Variants in KLF12 observed in about 807,000 individuals in gnomAD.
KLF12 encodes the protein Krueppel-like factor 12.
Under a neutral mutation model 37.8 loss-of-function variants are expected in KLF12, and 9 were observed. That is an observed-to-expected ratio of 0.24 (90% confidence interval 0.14 to 0.42). The LOEUF (loss-of-function observed/expected upper bound fraction) is 0.42, where lower values mean the gene tolerates loss of function less well. KLF12 is among the 10% of genes least tolerant of loss of function. The probability of loss-of-function intolerance (pLI) is 1.00; values close to 1 mark genes in which losing one functional copy is unlikely to be tolerated. For missense variants in KLF12, 411 were observed against 516.0 expected, an observed-to-expected ratio of 0.80 and a Z score of 1.97; for synonymous variants, 208 against 202.1, an observed-to-expected ratio of 1.03 and a Z score of -0.25.
chr13:74,035,505 G>A (rs1017877697), intron 1 of KLF12, among the ~76,000 whole-genome samples: 1 of 152,144 alleles, frequency 6.6e-6, no homozygotes, highest in Non-Finnish European at 1.5e-5. Context: ...AAAGGAGGAA[G>A]AAAAATTCAT....
chr13:74,113,318 A>T (rs1877091799), intron 1 of KLF12, among the ~76,000 whole-genome samples: 2 of 152,254 alleles, frequency 1.3e-5, no homozygotes, highest in South Asian at 4.1e-4. Context: ...ACAAAACAGC[A>T]ACCTATCGCA....
chr13:74,069,263 C>CT (rs2138691922), intron 1 of KLF12, among the ~76,000 whole-genome samples: 1 of 152,270 alleles, frequency 6.6e-6, no homozygotes, highest in East Asian at 1.9e-4. Flanking sequence ...CTGACTTTTC[C>CT]TATAGGTGGT....
intron 1 of KLF12, among the ~76,000 whole-genome samples, chr13:74,058,744 T>C (rs1167078788): frequency 6.6e-6 from 1 of 152,204 alleles, no homozygotes; most frequent in Non-Finnish European, 1.5e-5. Context: ...AAGTATAAGA[T>C]GATCATGAAT....
chr13:74,298,577 G>A, the KLF12 span, among the ~76,000 whole-genome samples: 1 of 152,108 alleles, frequency 6.6e-6, no homozygotes, highest in Non-Finnish European at 1.5e-5. Flanking sequence ...ATGGGAGTTA[G>A]GAGTAGGAAA....
At chr13:73,779,415 C>T (rs924950887) in intron 5 of KLF12, among the ~76,000 whole-genome samples, 7 of 152,148 alleles carry the variant, frequency 4.6e-5, no homozygotes, top group Non-Finnish European at 8.8e-5. Flanking sequence ...AAACTCCCTA[C>T]AGGGCAGGGT....
chr13:74,075,063 G>A (rs891492111), intron 1 of KLF12, among the ~76,000 whole-genome samples: 2 of 152,054 alleles, frequency 1.3e-5, no homozygotes, highest in African/African-American at 2.4e-5. Flanking sequence ...AAACAGTGCT[G>A]GAACAGACAG....
At chr13:73,757,438 T>C (rs1344350698) in intron 6 of KLF12, among the ~76,000 whole-genome samples, 4 of 152,322 alleles carry the variant, frequency 2.6e-5, no homozygotes, top group South Asian at 4.1e-4. Context: ...AGAAATGTAA[T>C]AAATAGCTAG....
At chr13:74,106,136 G>A (rs1357466967) in intron 1 of KLF12, among the ~76,000 whole-genome samples, 2 of 152,120 alleles carry the variant, frequency 1.3e-5, no homozygotes, top group Non-Finnish European at 2.9e-5. Context: ...AATCACATTT[G>A]ATGCCTACTG....
intron 4 of KLF12, among the ~76,000 whole-genome samples, chr13:73,840,223 C>T (rs1276463044): frequency 6.6e-6 from 1 of 152,136 alleles, no homozygotes; most frequent in African/African-American, 2.4e-5. Flanking sequence ...TTCTCTTTAA[C>T]ATTACTCCAC....
intron 4 of KLF12, among the ~76,000 whole-genome samples, chr13:73,815,528 C>G (rs1185286419): frequency 2.0e-5 from 3 of 152,136 alleles, no homozygotes; most frequent in African/African-American, 7.2e-5. Context: ...CAATCCTGTT[C>G]TAGAATGATT....
intron 7 of KLF12, among the ~76,000 whole-genome samples, chr13:73,700,269 AAAATAAAT>A (rs921171678): frequency 4.0e-5 from 6 of 151,496 alleles, no homozygotes; most frequent in Non-Finnish European, 8.8e-5. Flanking sequence ...TCTGTCTCAA[AAAATAAAT>A]AAATAAATTA....
At chr13:74,023,082 T>C (rs528682383) in intron 1 of KLF12, among the ~76,000 whole-genome samples, 2 of 152,298 alleles carry the variant, frequency 1.3e-5, no homozygotes, top group African/African-American at 4.8e-5. Context: ...TCTAGCTGCA[T>C]ATTCCAAGAT....
chr13:74,088,958 T>C (rs1006043647), intron 1 of KLF12, among the ~76,000 whole-genome samples: 2 of 152,200 alleles, frequency 1.3e-5, no homozygotes, highest in Admixed American at 6.6e-5. Flanking sequence ...CCACTTTATA[T>C]GCAAGCTCTT....
At chr13:74,079,400 G>A (rs1874752636) in intron 1 of KLF12, among the ~76,000 whole-genome samples, 1 of 152,134 alleles carries the variant, frequency 6.6e-6, no homozygotes, top group East Asian at 1.9e-4. Flanking sequence ...CATATTTTAT[G>A]ACAATTAAAA....
the KLF12 span, among the ~76,000 whole-genome samples, chr13:74,303,754 A>T: frequency 0.025 from 3,776 of 152,104 alleles, 63 homozygotes; most frequent in Non-Finnish European, 0.031. Context: ...TCTTTCAGAT[A>T]TATCCTCCTG....
the KLF12 span, among the ~76,000 whole-genome samples, chr13:74,304,917 G>T: frequency 6.6e-6 from 1 of 151,998 alleles, no homozygotes; most frequent in South Asian, 2.1e-4. Context: ...CTGTCATTCC[G>T]CATTGCCGAG....
chr13:73,922,736 G>A (rs1889175539), intron 3 of KLF12, among the ~76,000 whole-genome samples: 1 of 152,120 alleles, frequency 6.6e-6, no homozygotes, highest in African/African-American at 2.4e-5. Context: ...CACTGTCCTA[G>A]GTATTGTGCA....
At chr13:73,926,816 A>G (rs1202603342) in intron 3 of KLF12, among the ~76,000 whole-genome samples, 1 of 152,112 alleles carries the variant, frequency 6.6e-6, no homozygotes, top group African/African-American at 2.4e-5. Flanking sequence ...GGGTACATTC[A>G]GTGCATATCT....
chr13:74,295,610 G>A, the KLF12 span, among the ~76,000 whole-genome samples: 521 of 152,156 alleles, frequency 3.4e-3, 1 homozygote, highest in African/African-American at 0.012. Flanking sequence ...TCAGTGGAAC[G>A]GACTTTCCCT....
Sources: allele counts gnomAD v4.1 joint callset (sites outside exome capture counted in the v4.1 genomes callset), GRCh38; gene constraint gnomAD v4.1.1; transcripts MANE v1.5; gene names NCBI Gene and HGNC (gene_info 2026-07-23, HGNC 2026-07-21).